The following MMEL1 variants were observed in gnomAD, a reference collection of about 807,000 sequenced individuals.
The protein encoded by MMEL1 is membrane metallo-endopeptidase-like 1.
In MMEL1, 98 loss-of-function variants were observed where a neutral mutation model predicts 117.1. The observed-to-expected ratio is 0.84, with a 90% confidence interval of 0.71 to 0.99. MMEL1 has a LOEUF of 0.99. Among genes scored for constraint, MMEL1 ranks in the 50% least tolerant of loss-of-function variants. The pLI is 0.00. For missense variants in MMEL1, 1,014 were observed against 1,049.1 expected (o/e 0.97, Z 0.46); for synonymous variants, 390 against 415.1 (o/e 0.94, Z 0.74).
intron 11 of MMEL1, among the ~76,000 whole-genome samples, chr1:2,603,017 G>C (rs1054099681): frequency 5.9e-5 from 9 of 152,236 alleles, no homozygotes; most frequent in Admixed American, 5.9e-4. Context: ...GCCCCACTGC[G>C]TGTGTTCTGG....
At chr1:2,602,664 G>A (rs1644951784) in intron 11 of MMEL1, among the ~76,000 whole-genome samples, 1 of 152,196 alleles carries the variant, frequency 6.6e-6, no homozygotes, top group Non-Finnish European at 1.5e-5. Flanking sequence ...GGCAGAGTCT[G>A]AGACTTTCAA....
chr1:2,602,417 C>CA (rs1644947548), intron 11 of MMEL1, among the ~76,000 whole-genome samples: 1 of 152,198 alleles, frequency 6.6e-6, no homozygotes, highest in African/African-American at 2.4e-5. Context: ...ACGGCAACCT[C>CA]AGGCCATCTG....
chr1:2,600,842 G>T (rs899725863), intron 11 of MMEL1, among the ~76,000 whole-genome samples: 2 of 152,090 alleles, frequency 1.3e-5, no homozygotes, highest in African/African-American at 4.8e-5. Context: ...CAACAAATAA[G>T]ATAATTTCAA....
In MMEL1 at chr1:2,595,015, C is replaced by T. The variant is rs988565860; in HGVS notation, c.1585-122G>A. 21 of 817,708 alleles carry T rather than the reference C, an allele frequency of 2.6e-5. No homozygotes were observed. Among genetic ancestry groups the T allele is most frequent in the Non-Finnish European group, 3.8e-5 (19 of 502,426 alleles). The allele number at this position is 817,708 out of a possible 1,614,324, so 50.7% of individuals were successfully genotyped here. Reference sequence around the variant, plus strand: ...TGCCAGGCGTCCGCACGTGGACAGTCGGCTGTGGGTGCAGGTGAACGGGGC... The same window carrying T: ...TGCCAGGCGTCCGCACGTGGACAGTTGGCTGTGGGTGCAGGTGAACGGGGC... On this transcript the variant is annotated intron_variant, in intron 16 of 23. Coordinates refer to ENST00000378412, the MANE Select transcript of MMEL1 (RefSeq NM_033467.4). This position sits in a 1 kb window ranked among gnomAD's most constrained non-coding sequence, Gnocchi z 4.8.
At chr1:2,631,399 G>A (rs1638575080) in intron 1 of MMEL1, among the ~76,000 whole-genome samples, 1 of 146,756 alleles carries the variant, frequency 6.8e-6, no homozygotes, top group Non-Finnish European at 1.5e-5. Context: ...GTACCCCACC[G>A]CCCCCCTGCT....
rs771918205 is a variant in MMEL1, at chr1:2,604,185, T to C, written c.913A>G (p.Met305Val). 4.2e-6 allele frequency: 6 copies of C among 1,442,206 alleles called. No individual in the cohort carries two copies. The Admixed American group carries it at 5.5e-5, about 13-fold the overall frequency. 89.3% of individuals were successfully genotyped at this position (1,442,206 alleles called of 1,614,324 possible). The change falls in exon 10 of 24, where the codon ATG becomes GTG. Residue 305 changes from methionine (M) to valine (V), a missense_variant. By Grantham distance (21) the Met-to-Val change is conservative. Transcript: ENST00000378412. ...PRDSCLVQEDMVQVLELETQL... is the reference protein window; with the variant it reads ...PRDSCLVQEDVVQVLELETQL... ...GTCTCCAGCTCCAGCACCTGCACCA[T>C]GTCCTCCTGCACCAGGCAGCTGTCC...
chr1:2,607,543 G>A (rs1219092384), intron 6 of MMEL1, among the ~76,000 whole-genome samples: 1 of 152,070 alleles, frequency 6.6e-6, no homozygotes, highest in East Asian at 1.9e-4. Context: ...GGCTCAGCAC[G>A]GTGGGGCCCC....
intron 2 of MMEL1, among the ~76,000 whole-genome samples, chr1:2,616,342 CAAAA>C (rs60641053): frequency 2.2e-5 from 2 of 89,272 alleles, no homozygotes; most frequent in Non-Finnish European, 2.2e-5. Flanking sequence ...GACCCTAGCT[CAAAA>C]AAAAAAAAAA....
intron 9 of MMEL1, among the ~76,000 whole-genome samples, 185 bp from the exon 10 acceptor site, chr1:2,604,466 G>A (rs1367556131): frequency 6.6e-6 from 1 of 152,224 alleles, no homozygotes; most frequent in Non-Finnish European, 1.5e-5. Flanking sequence ...CGTGACCTGT[G>A]CCCGAGCCAC....
Position 2,625,683 on chromosome 1 carries a change from C to T in MMEL1, c.154+3648G>A, listed in dbSNP as rs891950390. 5.9e-5 allele frequency among the ~76,000 whole-genome samples: 9 copies of T among 152,308 alleles called. 1 individual carries two copies. The highest frequency in any genetic ancestry group is 2.6e-4 in the Admixed American group (4 of 15,288). On this transcript the variant is annotated intron_variant, in intron 2 of 23. Coordinates refer to ENST00000378412, the MANE Select transcript of MMEL1 (RefSeq NM_033467.4). ...GACTACGGATCACCAAGTCACCATG[C>T]GACCTGAACTTCCTATCATGAACTG... is the stretch of plus-strand genomic sequence containing the variant.
At chr1:2,619,319 C>G (rs1480193169) in intron 2 of MMEL1, among the ~76,000 whole-genome samples, 1 of 152,158 alleles carries the variant, frequency 6.6e-6, no homozygotes, top group Non-Finnish European at 1.5e-5. Flanking sequence ...AAGACCCCAA[C>G]TGCTAAAATA....
At chr1:2,625,133 GC>G (rs1319775851) in intron 2 of MMEL1, among the ~76,000 whole-genome samples, 1 of 152,198 alleles carries the variant, frequency 6.6e-6, no homozygotes, top group East Asian at 1.9e-4. Context: ...ATATCATTCT[GC>G]CCCCAGCCCC....
At chr1:2,596,238 C>G in intron 14 of MMEL1, 131 bp from the exon 15 acceptor site, 1 of 883,474 alleles carries the variant, frequency 1.1e-6, no homozygotes, top group Non-Finnish European at 1.8e-6. Flanking sequence ...GTGGGCCTCT[C>G]AGGTGAGGTG....
chr1:2,590,926 AC>A lies in MMEL1; in HGVS notation c.*63del. The A allele has an allele frequency of 7.9e-7, 1 of 1,259,228 alleles. No homozygotes were observed. The highest frequency in any genetic ancestry group is 1.0e-6 in the Non-Finnish European group (1 of 962,162). The allele number at this position is 1,259,228 out of a possible 1,614,324, so 78.0% of individuals were successfully genotyped here. ...CGTACACTGGGTCGCCGCTAGCTGC[AC>A]CTTCGCACAGATGCCTCCGAGCAGC... On this transcript the variant is annotated 3_prime_UTR_variant, in exon 24 of 24. Coordinates refer to ENST00000378412, the MANE Select transcript of MMEL1 (RefSeq NM_033467.4).
At chr1:2,631,047 ACGTGTGTG>A (rs1638556298) in intron 1 of MMEL1, among the ~76,000 whole-genome samples, 1 of 150,206 alleles carries the variant, frequency 6.7e-6, no homozygotes, top group South Asian at 2.1e-4. Context: ...GTGGGTGTGC[ACGTGTGTG>A]CGTGTGCTCT....
At chr1:2,605,159 G>A (rs1265435444) in intron 9 of MMEL1, among the ~76,000 whole-genome samples, 4 of 152,140 alleles carry the variant, frequency 2.6e-5, no homozygotes, top group African/African-American at 9.7e-5. Flanking sequence ...CCACAGTGGG[G>A]GTCCTCATCC....
intron 11 of MMEL1, among the ~76,000 whole-genome samples, chr1:2,600,536 G>GA (rs56126904): frequency 1.1e-4 from 17 of 150,586 alleles, no homozygotes; most frequent in South Asian, 8.5e-4. Flanking sequence ...CTGTTTCTGG[G>GA]AAAAAAAAAA....
intron 2 of MMEL1, among the ~76,000 whole-genome samples, chr1:2,628,462 G>T (rs763565896): frequency 4.6e-5 from 7 of 152,234 alleles, no homozygotes; most frequent in African/African-American, 1.7e-4. Context: ...TGCGAGGTCC[G>T]CCATGAGCTC....
rs532831563 is a variant in MMEL1 at position 2,591,793 on chromosome 1, TC to T, written c.2163+138del. On this transcript the variant is annotated intron_variant, in intron 22 of 23. Transcript: ENST00000378412. ...CATCAGCATTGAAATCCTGTCCAGC[TC>T]CCGCCCCCTGCCCCTCATGCTTTTC... is the stretch of plus-strand genomic sequence containing the variant. The T allele has an allele frequency of 2.0e-4, 212 of 1,059,804 alleles. 1 individual carries two copies. The African/African-American group carries it at 2.8e-3, about 14-fold the overall frequency. The allele number at this position is 1,059,804 out of a possible 1,614,324, so 65.7% of individuals were successfully genotyped here.
Sources: allele counts gnomAD v4.1 joint callset (sites outside exome capture counted in the v4.1 genomes callset), GRCh38; gene constraint gnomAD v4.1.1; non-coding constraint Gnocchi (gnomAD v3.1); transcripts MANE v1.5; gene names NCBI Gene and HGNC (gene_info 2026-07-23, HGNC 2026-07-21).